Variants in HDAC9 observed in about 807,000 individuals in gnomAD.
HDAC9 encodes histone deacetylase 9, also known as MEF-2 interacting transcription repressor (MITR) protein.
HDAC9 carries 41 observed loss-of-function variants against 139.4 expected under a neutral mutation model. The ratio of observed to expected loss-of-function variants is 0.29; its 90% CI spans 0.23 to 0.38. HDAC9 has a LOEUF of 0.38. HDAC9 is among the 10% of genes least tolerant of loss of function. HDAC9 has a pLI of 1.00. For missense variants in HDAC9, 1,147 were observed against 1,297.0 expected (o/e 0.88, Z 1.78); for synonymous variants, 517 against 476.2 (o/e 1.09, Z -1.12).
At chr7:18,893,044 AAAAAAAAAAAG>A (rs1206042502) in intron 22 of HDAC9, among the ~76,000 whole-genome samples, 4 of 149,436 alleles carry the variant, frequency 2.7e-5, no homozygotes, top group Non-Finnish European at 5.9e-5. Context: ...AAAAAAAAAA[AAAAAAAAAAAG>A]AAAAGAAAAG....
At chr7:18,713,229 A>G (rs1283575436) in intron 12 of HDAC9, among the ~76,000 whole-genome samples, 1 of 152,216 alleles carries the variant, frequency 6.6e-6, no homozygotes, top group Non-Finnish European at 1.5e-5. Context: ...ACAACTAATG[A>G]GACCACTTAG....
At chr7:18,220,211 A>G (rs1193672061) in intron 2 of HDAC9, among the ~76,000 whole-genome samples, 1 of 152,206 alleles carries the variant, frequency 6.6e-6, no homozygotes, top group Non-Finnish European at 1.5e-5. Flanking sequence ...AATTCTGACC[A>G]AGAGTGTATG....
chr7:18,154,246 A>G (rs574658636), intron 1 of HDAC9, among the ~76,000 whole-genome samples: 1 of 152,304 alleles, frequency 6.6e-6, no homozygotes, highest in Admixed American at 6.5e-5. Flanking sequence ...TAAACATGGT[A>G]TATTCACAAG....
chr7:18,240,112 A>G (rs1794092370), intron 2 of HDAC9, among the ~76,000 whole-genome samples: 2 of 152,148 alleles, frequency 1.3e-5, no homozygotes, highest in Non-Finnish European at 2.9e-5. Flanking sequence ...AATATTGTTT[A>G]AGATCTAAAT....
chr7:18,557,526 G>T (rs1368932827), intron 2 of HDAC9, among the ~76,000 whole-genome samples: 2 of 150,664 alleles, frequency 1.3e-5, no homozygotes, highest in Admixed American at 1.3e-4. Context: ...ATGAAAGATA[G>T]ACTTTATGGA....
intron 2 of HDAC9, among the ~76,000 whole-genome samples, chr7:18,516,153 C>T (rs970351215): frequency 2.6e-5 from 4 of 152,122 alleles, no homozygotes; most frequent in Admixed American, 6.5e-5. Context: ...ATCCTGCCTG[C>T]GGGCCTCTTT....
Position 18,496,264 on chromosome 7 carries a change from G to C in HDAC9, c.-39G>C. The C allele has an allele frequency of 6.2e-7, 1 of 1,613,084 alleles. No individual in the cohort carries two copies. The highest frequency in any genetic ancestry group is 8.5e-7 in the Non-Finnish European group (1 of 1,179,380). On this transcript the variant is annotated splice_region_variant and 5_prime_UTR_variant, in exon 2 of 26. It removes an upstream start codon present in the reference 5' UTR. Transcript: ENST00000686413. The stretch of plus-strand genomic sequence containing the variant: ...GAGTGACTCCTGTTTTTCCTCAGAT[G>C]GGGTGGCTGGACGAGAGCAGCTCTT...
At chr7:18,371,731 G>GT (rs930197805) in intron 1 of HDAC9, among the ~76,000 whole-genome samples, 2 of 152,042 alleles carry the variant, frequency 1.3e-5, no homozygotes. Flanking sequence ...TGAGATCAAG[G>GT]TTTTTTTCCT....
intron 2 of HDAC9, among the ~76,000 whole-genome samples, chr7:18,568,454 A>G (rs1418498582): frequency 2.0e-5 from 3 of 152,242 alleles, no homozygotes; most frequent in Non-Finnish European, 4.4e-5. Flanking sequence ...TCCAAAAGTC[A>G]TAGCTAGCGC....
chr7:18,948,636 C>A (rs1693479799), intron 23 of HDAC9, among the ~76,000 whole-genome samples: 1 of 152,154 alleles, frequency 6.6e-6, no homozygotes, highest in Non-Finnish European at 1.5e-5. Flanking sequence ...TGTATCCCCA[C>A]CATTTCCGTG....
chr7:18,166,837 T>C (rs1248423206), intron 2 of HDAC9, among the ~76,000 whole-genome samples: 1 of 152,134 alleles, frequency 6.6e-6, no homozygotes, highest in East Asian at 1.9e-4. Flanking sequence ...CAAACAAATA[T>C]CATAATGTCC....
intron 22 of HDAC9, among the ~76,000 whole-genome samples, chr7:18,928,601 G>T (rs898094972): frequency 2.6e-5 from 4 of 152,026 alleles, no homozygotes; most frequent in African/African-American, 9.7e-5. Context: ...TCTAAAAACA[G>T]AATTGCTTGG....
At chr7:18,816,918 T>A (rs1314668529) in intron 17 of HDAC9, among the ~76,000 whole-genome samples, 3 of 152,220 alleles carry the variant, frequency 2.0e-5, no homozygotes, top group Non-Finnish European at 2.9e-5. Context: ...TCAGAGGTAT[T>A]CCACAAGGAC....
intron 21 of HDAC9, among the ~76,000 whole-genome samples, chr7:18,856,896 C>A (rs1274521266): frequency 6.6e-6 from 1 of 152,102 alleles, no homozygotes. Flanking sequence ...TATTCATTTG[C>A]CACCTGAATG....
chr7:18,854,091 G>A (rs1230191449), intron 21 of HDAC9, among the ~76,000 whole-genome samples: 1 of 152,096 alleles, frequency 6.6e-6, no homozygotes, highest in Non-Finnish European at 1.5e-5. Context: ...ACAAGGTTAA[G>A]AAAGTAATAC....
At chr7:18,183,049 GC>G in intron 2 of HDAC9, among the ~76,000 whole-genome samples, 1 of 142,070 alleles carries the variant, frequency 7.0e-6, no homozygotes, top group East Asian at 2.0e-4. Context: ...TCACTCTGTT[GC>G]CCGTGCTGGA....
intron 2 of HDAC9, among the ~76,000 whole-genome samples, chr7:18,163,797 T>C (rs79407039): frequency 4.5e-4 from 69 of 152,330 alleles, no homozygotes; most frequent in East Asian, 3.3e-3. Context: ...AATTCAGTGT[T>C]TCAAAATTGG....
chr7:18,363,183 G>A (rs1421210174), intron 1 of HDAC9, among the ~76,000 whole-genome samples: 1 of 152,106 alleles, frequency 6.6e-6, no homozygotes, highest in East Asian at 1.9e-4. Context: ...TTTTCCTAAA[G>A]CCTTTAATCC....
chr7:18,238,952 T>C (rs750436232), intron 2 of HDAC9, among the ~76,000 whole-genome samples: 6 of 152,220 alleles, frequency 3.9e-5, no homozygotes, highest in African/African-American at 1.2e-4. Flanking sequence ...CAGCTTCAAA[T>C]TGGTAATGTT....
Sources: gnomAD v4.1 joint callset for allele counts (sites outside exome capture counted in the v4.1 genomes callset) on GRCh38, gnomAD v4.1.1 for gene constraint, MANE v1.5 for transcripts, NCBI Gene and HGNC (gene_info 2026-07-23, HGNC 2026-07-21) for gene names.